FSIP1: variants seen among roughly 807,000 people sequenced by gnomAD.
FSIP1 encodes the protein fibrous sheath interacting protein 1.
In FSIP1, 65 loss-of-function variants were observed where a neutral mutation model predicts 60.9. The observed-to-expected ratio is 1.07, with a 90% CI of 0.87 to 1.31. The LOEUF is 1.31. Among genes scored for constraint, FSIP1 ranks in the 40% most tolerant of loss-of-function variants. FSIP1 has a pLI of 0.00. For synonymous variants in FSIP1, 209 were observed against 221.2 expected, an observed-to-expected ratio of 0.94 and a Z score of 0.49; for missense variants, 675 against 665.5, an observed-to-expected ratio of 1.01 and a Z score of -0.16.
At chr15:39,715,191 G>A (rs1022005367) in intron 9 of FSIP1, among the ~76,000 whole-genome samples, 3 of 151,966 alleles carry the variant, frequency 2.0e-5, no homozygotes, top group African/African-American at 7.3e-5. Context: ...ATTTCCCACT[G>A]CTTGAGACTC....
chr15:39,776,624 G>C (rs1898074243), intron 1 of FSIP1, 93 bp from the exon 2 acceptor site: 1 of 1,149,964 alleles, frequency 8.7e-7, no homozygotes, highest in Non-Finnish European at 1.2e-6. Context: ...CAGAGGCTTT[G>C]TTTTAAAGAT....
chr15:39,751,377 G>A (rs1897156032), intron 5 of FSIP1, among the ~76,000 whole-genome samples: 1 of 150,712 alleles, frequency 6.6e-6, no homozygotes, highest in Non-Finnish European at 1.5e-5. Flanking sequence ...CAAACCAAGT[G>A]TCCATTGGCA....
At chr15:39,739,498 T>C (rs1311295368) in intron 7 of FSIP1, among the ~76,000 whole-genome samples, 167 bp downstream of exon 7, 3 of 152,204 alleles carry the variant, frequency 2.0e-5, no homozygotes, top group Non-Finnish European at 4.4e-5. Context: ...AACATAGAAA[T>C]AATGAAGTAC....
At chr15:39,738,008 T>C in intron 8 of FSIP1, 83 bp downstream of exon 8, 2 of 812,010 alleles carry the variant, frequency 2.5e-6, no homozygotes, top group South Asian at 2.3e-5. Context: ...AAAATTATTG[T>C]AAATTTATGA....
chr15:39,713,361 G>T, intron 10 of FSIP1, 83 bp downstream of exon 10: 1 of 1,328,926 alleles, frequency 7.5e-7, no homozygotes, highest in Non-Finnish European at 1.0e-6. Context: ...GAGCCCAGAA[G>T]TTCGAGACCA....
rs529931711 is a variant in FSIP1, at chr15:39,652,206, C to T, written c.1189-33961G>A. The stretch of plus-strand genomic sequence containing the variant: ...TAAAGTTAAGTCTGAAGGGGAGGAT[C>T]GGGCTAAATATTACCATTTTAAAAA... On this transcript the variant is annotated intron_variant, in intron 10 of 11. Coordinates refer to ENST00000350221, the MANE Select transcript of FSIP1 (RefSeq NM_152597.5). Among the ~76,000 whole-genome samples, 6 of 152,216 alleles carry T rather than the reference C, an allele frequency of 3.9e-5. No homozygotes were observed. The South Asian group carries it at 1.2e-3, about 32-fold the overall frequency.
chr15:39,721,039 A>G (rs1414566214), intron 9 of FSIP1, among the ~76,000 whole-genome samples: 1 of 152,222 alleles, frequency 6.6e-6, no homozygotes, highest in Non-Finnish European at 1.5e-5. Context: ...CTTTTAAAAC[A>G]TTGCCATAAA....
intron 10 of FSIP1, among the ~76,000 whole-genome samples, chr15:39,674,107 T>G (rs1052551096): frequency 2.2e-4 from 33 of 151,276 alleles, no homozygotes; most frequent in African/African-American, 6.3e-4. Flanking sequence ...CAGGCTGGAG[T>G]GCAGTGGCGC....
At chr15:39,602,155 C>T (rs972976944) in intron 11 of FSIP1, among the ~76,000 whole-genome samples, 1 of 152,106 alleles carries the variant, frequency 6.6e-6, no homozygotes, top group African/African-American at 2.4e-5. Context: ...ATCCTGGATT[C>T]TCTGGGTGGG....
chr15:39,688,537 AT>A (rs1158038294), intron 10 of FSIP1, among the ~76,000 whole-genome samples: 1 of 152,240 alleles, frequency 6.6e-6, no homozygotes, highest in African/African-American at 2.4e-5. Context: ...TTGCACCATC[AT>A]AAAGTTGAAA....
intron 10 of FSIP1, among the ~76,000 whole-genome samples, chr15:39,702,026 C>T (rs989825478): frequency 2.0e-5 from 3 of 152,148 alleles, no homozygotes; most frequent in African/African-American, 7.2e-5. Context: ...GAACTCAAAC[C>T]CAGAGCCTAC....
chr15:39,759,260 G>C (rs1324146391), intron 5 of FSIP1, among the ~76,000 whole-genome samples: 1 of 151,832 alleles, frequency 6.6e-6, no homozygotes, highest in Admixed American at 6.6e-5. Context: ...TATTAAAAAA[G>C]TCTTTCAAAT....
intron 3 of FSIP1, among the ~76,000 whole-genome samples, chr15:39,768,338 G>A (rs1013595989): frequency 5.3e-5 from 8 of 151,898 alleles, no homozygotes; most frequent in Non-Finnish European, 7.4e-5. Context: ...TCCCCTTTAC[G>A]GCCTTAAAAA....
At chr15:39,631,490 G>C (rs898989824) in intron 10 of FSIP1, among the ~76,000 whole-genome samples, 1 of 152,236 alleles carries the variant, frequency 6.6e-6, no homozygotes, top group African/African-American at 2.4e-5. Context: ...GGTGCTGAAA[G>C]TATTCTCCAT....
intron 8 of FSIP1, among the ~76,000 whole-genome samples, chr15:39,730,058 A>C (rs1318592735): frequency 6.6e-6 from 1 of 152,186 alleles, no homozygotes; most frequent in African/African-American, 2.4e-5. Flanking sequence ...TTATTGATTT[A>C]AAATAAACAA....
At chr15:39,696,342 C>A (rs1426072603) in intron 10 of FSIP1, among the ~76,000 whole-genome samples, 1 of 151,924 alleles carries the variant, frequency 6.6e-6, no homozygotes. Context: ...TACAAATGGG[C>A]AATGCACTGA....
intron 10 of FSIP1, among the ~76,000 whole-genome samples, chr15:39,629,547 T>C (rs529266200): frequency 6.6e-6 from 1 of 152,290 alleles, no homozygotes; most frequent in East Asian, 1.9e-4. Context: ...CTCCTCAGGC[T>C]GCCCCTCAGC....
chr15:39,696,873 TGTGTGTGTGTGTGTG>T, intron 10 of FSIP1, among the ~76,000 whole-genome samples: 1 of 434 alleles, frequency 2.3e-3, no homozygotes, highest in African/African-American at 0.012. Flanking sequence ...GGGGTGTCTG[TGTGTGTGTGTGTGTG>T]TGTGTGTGTG....
intron 10 of FSIP1, among the ~76,000 whole-genome samples, chr15:39,629,015 G>A (rs1555388079): frequency 6.6e-6 from 1 of 152,172 alleles, no homozygotes; most frequent in Non-Finnish European, 1.5e-5. Flanking sequence ...TCTGGAAGCT[G>A]GCAGCAGCAG....
Sources: gnomAD v4.1 joint callset for allele counts (sites outside exome capture counted in the v4.1 genomes callset) on GRCh38, gnomAD v4.1.1 for gene constraint, MANE v1.5 for transcripts, NCBI Gene and HGNC (gene_info 2026-07-23, HGNC 2026-07-21) for gene names.